Variants in CNOT11 observed in about 807,000 individuals in gnomAD.
CNOT11 encodes UPF0760 protein C2orf29.
In CNOT11, 18 loss-of-function variants were observed where a neutral mutation model predicts 44.6. The ratio of observed to expected loss-of-function variants is 0.40; its 90% CI spans 0.28 to 0.60. The LOEUF (loss-of-function observed/expected upper bound fraction) is 0.60, where lower values mean the gene tolerates loss of function less well. CNOT11 is among the 20% of genes least tolerant of loss of function. The probability of loss-of-function intolerance (pLI) is 0.38; values close to 1 mark genes in which losing one functional copy is unlikely to be tolerated. For synonymous variants in CNOT11, 291 were observed against 270.9 expected (o/e 1.07, Z -0.73); for missense variants, 513 against 677.0 (o/e 0.76, Z 2.69).
Position 101,252,973 on chromosome 2 carries a change from C to G in CNOT11, c.9C>G (p.Gly3=). 1 of 1,481,582 alleles carries G rather than the reference C, an allele frequency of 6.7e-7. No individual in the cohort carries two copies. Among genetic ancestry groups the G allele is most frequent in the Non-Finnish European group, 8.9e-7 (1 of 1,123,978 alleles). 91.8% of individuals were successfully genotyped at this position (1,481,582 alleles called of 1,614,324 possible). ...GAAGGGGAGCGAGGTTGATGCCCGG[C>G]GGAGGGGCGAGCGCGGCGTCTGGCC... MP[G]GGASAASGRL... Residue 3 remains glycine, a synonymous_variant, in exon 1 of 7, where the codon GGC becomes GGG. Coordinates refer to ENST00000289382, the MANE Select transcript of CNOT11 (RefSeq NM_017546.5).
rs1315640760 is a variant in CNOT11, at chr2:101,253,168, C to G, written c.204C>G (p.Leu68=). The G allele has an allele frequency of 6.3e-7, 1 of 1,593,504 alleles. No individual in the cohort carries two copies. The change falls in exon 1 of 7, where the codon CTC becomes CTG. Residue 68 remains leucine, a synonymous_variant. Coordinates refer to ENST00000289382, the MANE Select transcript of CNOT11 (RefSeq NM_017546.5). This position sits in a 1 kb window ranked among gnomAD's most constrained non-coding sequence, Gnocchi z 4.3. ...AGRMSLTPKE[L]SSLLSIISEE... ...GGATGAGCTTGACCCCGAAGGAGCT[C>G]TCGAGCCTGCTGAGCATCATATCGG... is the stretch of plus-strand genomic sequence containing the variant.
chr2:101,261,897 A>T (rs1290516298), intron 2 of CNOT11, among the ~76,000 whole-genome samples: 4 of 122,976 alleles, frequency 3.3e-5, no homozygotes, highest in African/African-American at 1.3e-4. Context: ...CCCAGGCTGG[A>T]GTGCAGTGGC....
Position 101,253,199 on chromosome 2 carries a change from G to A in CNOT11, c.235G>A (p.Ala79Thr). ...CCTGCTGAGCATCATATCGGAGGAG[G>A]CGGGCGGCGGCAGCACCTTCGAGGG... ...SSLLSIISEEAGGGSTFEGLS... is the reference protein window; with the variant it reads ...SSLLSIISEETGGGSTFEGLS... Residue 79 changes from alanine to threonine, a missense_variant, in exon 1 of 7, where the codon GCG becomes ACG. Transcript: ENST00000289382. This position sits in a 1 kb window ranked among gnomAD's most constrained non-coding sequence, Gnocchi z 4.3. The A allele has an allele frequency of 6.2e-7, 1 of 1,601,508 alleles. No individual in the cohort carries two copies. The highest frequency in any genetic ancestry group is 8.5e-7 in the Non-Finnish European group (1 of 1,176,072).
intron 5 of CNOT11, among the ~76,000 whole-genome samples, chr2:101,267,607 C>G (rs1460233170): frequency 6.6e-6 from 1 of 152,212 alleles, no homozygotes; most frequent in Non-Finnish European, 1.5e-5. Context: ...GACCCCCAGG[C>G]TCCTGACCCT....
intron 2 of CNOT11, among the ~76,000 whole-genome samples, chr2:101,259,157 A>C (rs1001390217): frequency 2.0e-5 from 3 of 152,082 alleles, no homozygotes; most frequent in Non-Finnish European, 2.9e-5. Flanking sequence ...CCAAAACCCA[A>C]CGTTCTCTTG....
chr2:101,260,539 A>G (rs1681832471), intron 2 of CNOT11, among the ~76,000 whole-genome samples: 1 of 152,184 alleles, frequency 6.6e-6, no homozygotes, highest in South Asian at 2.1e-4. Flanking sequence ...AGAAAAAGCA[A>G]GCATGCCTCC....
intron 1 of CNOT11, among the ~76,000 whole-genome samples, chr2:101,255,683 T>C (rs1257211548): frequency 6.6e-6 from 1 of 152,166 alleles, no homozygotes; most frequent in Non-Finnish European, 1.5e-5. Flanking sequence ...CAGATGACTC[T>C]GAACAGAGGC....
Position 101,252,920 on chromosome 2 carries a change from G to T in CNOT11, c.-45G>T. On this transcript the variant is annotated 5_prime_UTR_variant, in exon 1 of 7. Transcript: ENST00000289382. ...GGCCGCGGGGACGGAGCGAGCCGGC[G>T]CCAGGGCCCCTCGGGCCGGGAAGAG... 1.4e-6 allele frequency: 2 copies of T among 1,393,290 alleles called. No individual in the cohort carries two copies. Among genetic ancestry groups the T allele is most frequent in the East Asian group, 6.0e-5 (2 of 33,308 alleles). 86.3% of individuals were successfully genotyped at this position (1,393,290 alleles called of 1,614,324 possible).
chr2:101,262,083 C>T (rs1681876911), intron 2 of CNOT11, among the ~76,000 whole-genome samples: 1 of 151,938 alleles, frequency 6.6e-6, no homozygotes, highest in Non-Finnish European at 1.5e-5. Context: ...CTCCTGACCT[C>T]GTGATCTGCC....
At chr2:101,258,800 C>T (rs1439212125) in intron 2 of CNOT11, among the ~76,000 whole-genome samples, 9 of 132,686 alleles carry the variant, frequency 6.8e-5, no homozygotes, top group South Asian at 2.5e-4. Context: ...GGTGACAGGG[C>T]GAGAGTCTGT....
intron 3 of CNOT11, among the ~76,000 whole-genome samples, chr2:101,264,227 T>G (rs1436543145): frequency 2.0e-5 from 3 of 152,186 alleles, no homozygotes; most frequent in Non-Finnish European, 4.4e-5. Context: ...TTTTATAAAA[T>G]AGTTGAGTTG....
chr2:101,261,382 G>A (rs993752731), intron 2 of CNOT11, among the ~76,000 whole-genome samples: 3 of 152,128 alleles, frequency 2.0e-5, no homozygotes, highest in African/African-American at 7.2e-5. Flanking sequence ...CATGCTGATG[G>A]CGTGTAACTG....
In CNOT11 at chr2:101,264,964, G is replaced by C. The variant is rs1194633325; in HGVS notation, c.952G>C (p.Val318Leu). The change falls in exon 4 of 7, where the codon GTT becomes CTT. Residue 318 changes from valine (V) to leucine (L), a missense_variant. By Grantham distance (32) the Val-to-Leu change is conservative. Around this residue, in one of 4 missense-constraint regions of CNOT11, gnomAD observed 140 missense variants for 169.8 expected, o/e 0.82. Transcript: ENST00000289382. Reference sequence around the variant, plus strand: ...GATCCAGTGGGATAAATCGATGTGTGTTAAGAATAGCACTGGTGTGGAGAT... The same window carrying C: ...GATCCAGTGGGATAAATCGATGTGTCTTAAGAATAGCACTGGTGTGGAGAT... ...HAIQWDKSMC[V>L]KNSTGVEIKR... is the part of the protein sequence containing the mutation. 6.2e-7 allele frequency: 1 copy of C among 1,614,162 alleles called. No individual in the cohort carries two copies. Among genetic ancestry groups the C allele is most frequent in the South Asian group, 1.1e-5 (1 of 91,090 alleles).
At position 101,252,923 on chromosome 2, in the gene CNOT11, A is replaced by G; in HGVS notation, c.-42A>G. On this transcript the variant is annotated 5_prime_UTR_variant, in exon 1 of 7. Coordinates refer to ENST00000289382, the MANE Select transcript of CNOT11 (RefSeq NM_017546.5). ...CGCGGGGACGGAGCGAGCCGGCGCCAGGGCCCCTCGGGCCGGGAAGAGGGG... is the reference window on the plus strand; with the variant it reads ...CGCGGGGACGGAGCGAGCCGGCGCCGGGGCCCCTCGGGCCGGGAAGAGGGG... The G allele has an allele frequency of 7.2e-7, 1 of 1,394,804 alleles. No individual in the cohort carries two copies. Among genetic ancestry groups the G allele is most frequent in the Non-Finnish European group, 9.2e-7 (1 of 1,084,008 alleles). The allele number at this position is 1,394,804 out of a possible 1,614,324, so 86.4% of individuals were successfully genotyped here.
intron 4 of CNOT11, 63 bp downstream of exon 4, chr2:101,265,110 TTTGTTTTTGA>T (rs1681952599): frequency 7.9e-7 from 1 of 1,266,306 alleles, no homozygotes; most frequent in Admixed American, 2.9e-5. Context: ...ATTAAAAAAA[TTTGTTTTTGA>T]GACAGAGTCT....
rs748423634 is a variant in CNOT11 at position 101,253,496 on chromosome 2, C to G, written c.514+18C>G. Reference sequence around the variant, plus strand: ...GCTCTCAGGTACCTCCTGAAGCCAGCTGTGCCGTGTGGATAGCGTTAGATT... The same window carrying G: ...GCTCTCAGGTACCTCCTGAAGCCAGGTGTGCCGTGTGGATAGCGTTAGATT... On this transcript the variant is annotated intron_variant, in intron 1 of 6. Transcript: ENST00000289382. This position sits in a 1 kb window ranked among gnomAD's most constrained non-coding sequence, Gnocchi z 4.3. The G allele has an allele frequency of 4.9e-6, 7 of 1,440,172 alleles. No homozygotes were observed. Among genetic ancestry groups the G allele is most frequent in the Non-Finnish European group, 6.3e-6 (7 of 1,105,558 alleles). 89.2% of individuals were successfully genotyped at this position (1,440,172 alleles called of 1,614,324 possible).
chr2:101,263,511 T>C (rs1023739603), intron 3 of CNOT11, among the ~76,000 whole-genome samples: 1 of 152,142 alleles, frequency 6.6e-6, no homozygotes, highest in African/African-American at 2.4e-5. Context: ...GACTCCCACA[T>C]AGTTGGAATT....
In CNOT11 at chr2:101,266,561, CAGAT is replaced by C; in HGVS notation, c.1036-113_1036-110del. 5.4e-6 allele frequency: 4 copies of C among 737,106 alleles called. No homozygotes were observed. In the South Asian group the frequency reaches 6.7e-5, roughly 12 times the overall value. The allele number at this position is 737,106 out of a possible 1,614,324, so 45.7% of individuals were successfully genotyped here. A position where few individuals can be genotyped will look rare whatever the true frequency, so the allele number is the denominator to read the frequency against. ...AGAAATTTATGAAGTTGGTTCAATG[CAGAT>C]AGTTTTGTAGCTTTTTGTATAAAAT... is the stretch of plus-strand genomic sequence containing the variant. On this transcript the variant is annotated intron_variant, in intron 4 of 6. Transcript: ENST00000289382.
intron 1 of CNOT11, among the ~76,000 whole-genome samples, chr2:101,257,259 G>A (rs1234536510): frequency 2.6e-5 from 4 of 151,960 alleles, no homozygotes; most frequent in Non-Finnish European, 5.9e-5. Flanking sequence ...TGGGCATGGT[G>A]GCAGGTGCCT....
Sources: allele counts gnomAD v4.1 joint callset (sites outside exome capture counted in the v4.1 genomes callset), GRCh38; gene constraint gnomAD v4.1.1; regional missense constraint gnomAD v4.1.1; non-coding constraint Gnocchi (gnomAD v3.1); transcripts MANE v1.5; gene names NCBI Gene and HGNC (gene_info 2026-07-23, HGNC 2026-07-21).